MYH15: variants seen among roughly 807,000 people sequenced by gnomAD.
The protein encoded by MYH15 is myosin-15.
In MYH15, 227 loss-of-function variants were observed where a neutral mutation model predicts 240.5. That is an observed-to-expected ratio of 0.94 (90% CI 0.85 to 1.05). The LOEUF is 1.05. MYH15 is among the 50% of genes least tolerant of loss of function. The pLI, the probability that MYH15 is intolerant of heterozygous loss-of-function variation, is 0.00. For missense variants in MYH15, 2,217 were observed against 2,247.5 expected, an observed-to-expected ratio of 0.99 and a Z score of 0.27; for synonymous variants, 785 against 796.7, an observed-to-expected ratio of 0.99 and a Z score of 0.25.
intron 22 of MYH15, among the ~76,000 whole-genome samples, chr3:108,442,833 A>T (rs929357058): frequency 4.3e-4 from 65 of 150,508 alleles, no homozygotes; most frequent in African/African-American, 1.6e-3. Flanking sequence ...TCATAAATAG[A>T]TATTATATAT....
chr3:108,478,753 T>C (rs2083241009), intron 11 of MYH15, among the ~76,000 whole-genome samples: 1 of 152,116 alleles, frequency 6.6e-6, no homozygotes, highest in Non-Finnish European at 1.5e-5. Flanking sequence ...CAGGTAATAA[T>C]AGTCTCAAAG....
At chr3:108,524,023 C>G (rs960047163) in intron 1 of MYH15, among the ~76,000 whole-genome samples, 3 of 151,728 alleles carry the variant, frequency 2.0e-5, no homozygotes, top group Admixed American at 1.3e-4. Flanking sequence ...CATCCTTGTA[C>G]GTGTGTCATT....
chr3:108,465,062 G>T (rs891612054), intron 14 of MYH15, among the ~76,000 whole-genome samples: 4 of 152,180 alleles, frequency 2.6e-5, no homozygotes, highest in African/African-American at 9.7e-5. Context: ...CTCAGGGTGC[G>T]TACATTTAGT....
At chr3:108,457,023 T>G in intron 18 of MYH15, 140 bp from the exon 19 acceptor site, 1 of 629,116 alleles carries the variant, frequency 1.6e-6, no homozygotes. Flanking sequence ...AGATGTTCAC[T>G]CACTTATGGC....
At chr3:108,529,671 A>C (rs1220634662), upstream of MYH15, among the ~76,000 whole-genome samples, 3 of 152,220 alleles carry the variant, frequency 2.0e-5, no homozygotes, top group Non-Finnish European at 4.4e-5. Flanking sequence ...CTTAAGAAAA[A>C]AGCACAGAAC....
At chr3:108,474,016 C>T (rs141645624) in intron 12 of MYH15, among the ~76,000 whole-genome samples, 12 of 152,338 alleles carry the variant, frequency 7.9e-5, no homozygotes, top group Non-Finnish European at 1.5e-4. Flanking sequence ...CAAAGTTGTT[C>T]AACCACTTCA....
intron 1 of MYH15, among the ~76,000 whole-genome samples, chr3:108,526,882 T>G (rs755956927): frequency 2.0e-5 from 3 of 152,112 alleles, no homozygotes; most frequent in Non-Finnish European, 4.4e-5. Context: ...CAAAAAGAAT[T>G]GAAAAACAGA....
At position 108,454,026 on chromosome 3, in the gene MYH15, GA is replaced by G. The variant is rs2082998433; in HGVS notation, c.2378del (p.Phe793SerfsTer13). The G allele has an allele frequency of 6.2e-7, 1 of 1,611,314 alleles. No individual in the cohort carries two copies. Among genetic ancestry groups the G allele is most frequent in the Non-Finnish European group, 8.5e-7 (1 of 1,178,196 alleles). On this transcript the variant is annotated frameshift_variant, in exon 21 of 41. Transcript: ENST00000693548. LOFTEE classifies it high-confidence loss of function. ...RAQGKLMRIK[F>X]QKILEERDAL... Reference sequence around the variant, plus strand: ...AATACCTTTCTTCCAGAATCTTCTGGAATTTGATTCGCATCAGTTTGCCCTG... The same window carrying G: ...AATACCTTTCTTCCAGAATCTTCTGGATTTGATTCGCATCAGTTTGCCCTG...
intron 28 of MYH15, among the ~76,000 whole-genome samples, chr3:108,418,560 C>A (rs2082653699): frequency 6.6e-6 from 1 of 151,920 alleles, no homozygotes; most frequent in South Asian, 2.1e-4. Flanking sequence ...ACCTCATAGA[C>A]CCCCTATAGG....
intron 25 of MYH15, among the ~76,000 whole-genome samples, chr3:108,431,563 T>G (rs982839575): frequency 3.3e-5 from 5 of 152,222 alleles, no homozygotes; most frequent in Non-Finnish European, 5.9e-5. Context: ...GTAAGTCTGT[T>G]AAACCCTTTT....
chr3:108,470,766 G>C lies in MYH15; in HGVS notation c.1315C>G (p.Leu439Val). The C allele has an allele frequency of 6.2e-7, 1 of 1,613,804 alleles. No individual in the cohort carries two copies. Among genetic ancestry groups the C allele is most frequent in the Non-Finnish European group, 8.5e-7 (1 of 1,179,842 alleles). The change falls in exon 13 of 41, where the codon CTG becomes GTG. Residue 439 changes from leucine (L) to valine (V), a missense_variant. By Grantham distance (32) the Leu-to-Val change is conservative. Coordinates refer to ENST00000693548, the MANE Select transcript of MYH15 (RefSeq NM_014981.3). ...KWLVARINRA[L>V]DAKLSRQFFI... The stretch of plus-strand genomic sequence containing the variant: ...AACTGCCTTGACAGCTTGGCATCCA[G>C]GGCCCTGTTGATCCGTGCCACTAGC...
At chr3:108,488,489 G>A (rs2083322346) in intron 9 of MYH15, among the ~76,000 whole-genome samples, 1 of 151,966 alleles carries the variant, frequency 6.6e-6, no homozygotes, top group African/African-American at 2.4e-5. Context: ...TAAATTTTTT[G>A]TAGAAACGGG....
At chr3:108,521,690 C>T (rs1291335174) in intron 1 of MYH15, among the ~76,000 whole-genome samples, 1 of 152,128 alleles carries the variant, frequency 6.6e-6, no homozygotes, top group Non-Finnish European at 1.5e-5. Flanking sequence ...TTGCTTCATA[C>T]AGGAATGAGA....
intron 40 of MYH15, among the ~76,000 whole-genome samples, chr3:108,382,068 G>T (rs546721120): frequency 2.0e-5 from 3 of 152,160 alleles, no homozygotes; most frequent in Non-Finnish European, 4.4e-5. Flanking sequence ...CTGTGACAAA[G>T]TCGAATGCAT....
At chr3:108,440,042 G>GC (rs1187108756) in intron 23 of MYH15, 129 bp from the exon 24 acceptor site, 5 of 716,106 alleles carry the variant, frequency 7.0e-6, no homozygotes, top group Middle Eastern at 8.3e-4. Flanking sequence ...GCTGTATTTA[G>GC]CCAAATTCCT....
At chr3:108,446,685 G>T (rs1331612083) in intron 21 of MYH15, among the ~76,000 whole-genome samples, 1 of 152,138 alleles carries the variant, frequency 6.6e-6, no homozygotes, top group Non-Finnish European at 1.5e-5. Context: ...TGGACACCTG[G>T]AGCGGTTAGC....
At chr3:108,449,195 A>G (rs1348713782) in intron 21 of MYH15, among the ~76,000 whole-genome samples, 1 of 152,064 alleles carries the variant, frequency 6.6e-6, no homozygotes, top group Non-Finnish European at 1.5e-5. Flanking sequence ...TACAGATTCA[A>G]TGCAAACCCT....
chr3:108,510,316 G>A, intron 1 of MYH15, 127 bp downstream of exon 1: 1 of 1,249,516 alleles, frequency 8.0e-7, no homozygotes, highest in Non-Finnish European at 1.1e-6. Context: ...TTTCCTAGAG[G>A]CTGATCATAC....
chr3:108,531,678 G>A (rs186376439), upstream of MYH15, among the ~76,000 whole-genome samples: 2 of 152,180 alleles, frequency 1.3e-5, no homozygotes, highest in Admixed American at 1.3e-4. Flanking sequence ...TTGGGAGGCT[G>A]AGGCAGAAGA....
Sources: gnomAD v4.1 joint callset for allele counts (sites outside exome capture counted in the v4.1 genomes callset) on GRCh38, gnomAD v4.1.1 for gene constraint, MANE v1.5 for transcripts, NCBI Gene and HGNC (gene_info 2026-07-23, HGNC 2026-07-21) for gene names.